ENOX1: variants seen among roughly 807,000 people sequenced by gnomAD.
ENOX1 encodes ecto-NOX disulfide-thiol exchanger 1, also known as candidate growth-related and time keeping constitutive hydroquinone (NADH) oxidase.
A neutral mutation model predicts 82.5 loss-of-function variants in ENOX1; 42 were observed. The observed-to-expected ratio is 0.51, with a 90% confidence interval of 0.40 to 0.66. The LOEUF is 0.66. Among genes scored for constraint, ENOX1 ranks in the 30% least tolerant of loss-of-function variants. The probability of loss-of-function intolerance (pLI) is 0.00; values close to 1 mark genes in which losing one functional copy is unlikely to be tolerated. For missense variants in ENOX1, 608 were observed against 811.6 expected (o/e 0.75, Z 3.05); for synonymous variants, 271 against 282.2 (o/e 0.96, Z 0.40).
intron 3 of ENOX1, among the ~76,000 whole-genome samples, chr13:43,445,478 A>C (rs2056604539): frequency 6.6e-6 from 1 of 151,666 alleles, no homozygotes; most frequent in Non-Finnish European, 1.5e-5. Flanking sequence ...CAATAACAAC[A>C]ATGTCCCATC....
intron 2 of ENOX1, among the ~76,000 whole-genome samples, chr13:43,580,221 T>C (rs2080648859): frequency 6.6e-6 from 1 of 152,212 alleles, no homozygotes; most frequent in Non-Finnish European, 1.5e-5. Context: ...TAAATGACAT[T>C]CTACTTTAAT....
At chr13:43,423,005 G>A (rs1043207835) in intron 3 of ENOX1, among the ~76,000 whole-genome samples, 1 of 152,174 alleles carries the variant, frequency 6.6e-6, no homozygotes, top group Non-Finnish European at 1.5e-5. Context: ...TACCATCGGA[G>A]GTTTCCAGAA....
chr13:43,435,964 G>A (rs1463202374), intron 3 of ENOX1, among the ~76,000 whole-genome samples: 1 of 151,202 alleles, frequency 6.6e-6, no homozygotes, highest in Non-Finnish European at 1.5e-5. Context: ...TGTGGGAAGA[G>A]AGACAGAGAG....
intron 11 of ENOX1, among the ~76,000 whole-genome samples, chr13:43,320,844 T>A (rs920830196): frequency 6.6e-6 from 1 of 152,206 alleles, no homozygotes; most frequent in Non-Finnish European, 1.5e-5. Flanking sequence ...TATTTGAAGA[T>A]CTTGTTGAAC....
intron 2 of ENOX1, among the ~76,000 whole-genome samples, chr13:43,572,719 C>T (rs984600347): frequency 1.3e-5 from 2 of 152,248 alleles, no homozygotes; most frequent in Non-Finnish European, 2.9e-5. Flanking sequence ...AAGGTGTGTT[C>T]TGTGCAGTGC....
At chr13:43,446,927 G>A (rs138793645) in intron 3 of ENOX1, among the ~76,000 whole-genome samples, 2 of 152,276 alleles carry the variant, frequency 1.3e-5, no homozygotes, top group African/African-American at 2.4e-5. Flanking sequence ...TGGAAGCTGC[G>A]ATAATCTTGA....
At chr13:43,632,547 G>A (rs2153751425) in intron 2 of ENOX1, among the ~76,000 whole-genome samples, 1 of 151,936 alleles carries the variant, frequency 6.6e-6, no homozygotes, top group Admixed American at 6.6e-5. Context: ...CCGTGTTCAA[G>A]CGATTCTCCT....
intron 3 of ENOX1, among the ~76,000 whole-genome samples, chr13:43,462,918 C>A (rs1459038977): frequency 2.0e-5 from 3 of 152,144 alleles, no homozygotes; most frequent in Non-Finnish European, 4.4e-5. Flanking sequence ...ATAGCTAGAG[C>A]AAAATTGTCC....
In ENOX1 at chr13:43,703,666, G is replaced by A. The variant is rs2087052603; in HGVS notation, c.-284-36122C>T. On this transcript the variant is annotated intron_variant, in intron 1 of 16. Coordinates refer to ENST00000690772, the MANE Select transcript of ENOX1 (RefSeq NM_001347969.2). Reference sequence around the variant, plus strand: ...ATATAACAAACAGGCAATATGCTAGGAGTTAAGAGAATTTACCTTAATTTC... The same window carrying A: ...ATATAACAAACAGGCAATATGCTAGAAGTTAAGAGAATTTACCTTAATTTC... 2.0e-5 allele frequency among the ~76,000 whole-genome samples: 3 copies of A among 152,100 alleles called. No individual in the cohort carries two copies. The South Asian group carries it at 6.2e-4, about 32-fold the overall frequency.
At chr13:43,651,991 A>C (rs1268341483) in intron 2 of ENOX1, among the ~76,000 whole-genome samples, 2 of 151,680 alleles carry the variant, frequency 1.3e-5, no homozygotes, top group African/African-American at 2.4e-5. Flanking sequence ...AAAAAAAAAA[A>C]AAACTTCACT....
intron 6 of ENOX1, among the ~76,000 whole-genome samples, chr13:43,360,457 C>A: frequency 6.6e-6 from 1 of 151,966 alleles, no homozygotes; most frequent in Non-Finnish European, 1.5e-5. Context: ...GATAAAGGAG[C>A]GGCAAAACAG....
chr13:43,521,858 A>G (rs982163607), intron 2 of ENOX1, among the ~76,000 whole-genome samples: 1 of 152,186 alleles, frequency 6.6e-6, no homozygotes, highest in Non-Finnish European at 1.5e-5. Flanking sequence ...GAGTATACAA[A>G]AAATAAATGC....
At chr13:43,599,642 C>T (rs997400186) in intron 2 of ENOX1, among the ~76,000 whole-genome samples, 6 of 151,818 alleles carry the variant, frequency 4.0e-5, no homozygotes, top group Non-Finnish European at 7.4e-5. Context: ...CTTTGTTGGG[C>T]CAAAAGTCAG....
chr13:43,269,773 G>C (rs1345666041), intron 12 of ENOX1, among the ~76,000 whole-genome samples, 196 bp from the exon 13 acceptor site: 1 of 152,156 alleles, frequency 6.6e-6, no homozygotes, highest in Non-Finnish European at 1.5e-5. Flanking sequence ...TAGGTTGTTT[G>C]TGATACTGAT....
At chr13:43,415,628 G>A (rs1409224353) in intron 3 of ENOX1, among the ~76,000 whole-genome samples, 1 of 151,780 alleles carries the variant, frequency 6.6e-6, no homozygotes, top group Non-Finnish European at 1.5e-5. Context: ...ACAAAATGGA[G>A]CCTCCTATGT....
At position 43,256,776 on chromosome 13, in the gene ENOX1, G is replaced by T. The variant is rs181689835; in HGVS notation, c.1611+8622C>A. On this transcript the variant is annotated intron_variant, in intron 14 of 16. Transcript: ENST00000690772. ...GAGTTTCTTCAGAAAAGTAAAAATAGAGCTACCATATGATCCAGCAATCCC... is the reference window on the plus strand; with the variant it reads ...GAGTTTCTTCAGAAAAGTAAAAATATAGCTACCATATGATCCAGCAATCCC... Among the ~76,000 whole-genome samples, 280 of 152,316 alleles carry T rather than the reference G, an allele frequency of 1.8e-3. 1 individual carries two copies. Among genetic ancestry groups the T allele is most frequent in the Non-Finnish European group, 2.1e-3 (144 of 68,034 alleles).
At chr13:43,608,563 T>C (rs1159090432) in intron 2 of ENOX1, among the ~76,000 whole-genome samples, 1 of 152,162 alleles carries the variant, frequency 6.6e-6, no homozygotes, top group Non-Finnish European at 1.5e-5. Context: ...TAAGCACAGC[T>C]GCAGCTAGAA....
At chr13:43,424,919 C>T (rs2055200110) in intron 3 of ENOX1, among the ~76,000 whole-genome samples, 1 of 152,162 alleles carries the variant, frequency 6.6e-6, no homozygotes, top group African/African-American at 2.4e-5. Context: ...CACAGCAGCA[C>T]ATCCAGTTGG....
intron 2 of ENOX1, among the ~76,000 whole-genome samples, chr13:43,536,660 C>T (rs992199665): frequency 6.6e-6 from 1 of 152,202 alleles, no homozygotes; most frequent in African/African-American, 2.4e-5. Context: ...TGCATGACAG[C>T]CTTCTTCCTT....
Sources: allele counts gnomAD v4.1 joint callset (sites outside exome capture counted in the v4.1 genomes callset), GRCh38; gene constraint gnomAD v4.1.1; transcripts MANE v1.5; gene names NCBI Gene and HGNC (gene_info 2026-07-23, HGNC 2026-07-21).